Variants in CTNNA2 observed in about 807,000 individuals in gnomAD.
The protein encoded by CTNNA2 is catenin alpha 2.
Under a neutral mutation model 101.0 loss-of-function variants are expected in CTNNA2, and 42 were observed. The observed-to-expected ratio is 0.42, with a 90% confidence interval of 0.32 to 0.54. The LOEUF is 0.54. Among genes scored for constraint, CTNNA2 ranks in the 20% least tolerant of loss-of-function variants. The pLI is 0.14. For synonymous variants in CTNNA2, 450 were observed against 456.4 expected (o/e 0.99, Z 0.18); for missense variants, 871 against 1,223.1 (o/e 0.71, Z 4.29).
At chr2:79,747,665 G>T (rs985056012) in intron 3 of CTNNA2, among the ~76,000 whole-genome samples, 15 of 152,058 alleles carry the variant, frequency 9.9e-5, no homozygotes, top group Non-Finnish European at 2.9e-5. Context: ...TTGTGTTCTC[G>T]TGGATATAAT....
intron 2 of CTNNA2, among the ~76,000 whole-genome samples, chr2:79,278,199 A>G (rs1297533365): frequency 6.6e-6 from 1 of 152,120 alleles, no homozygotes; most frequent in East Asian, 1.9e-4. Flanking sequence ...CCAAGAAAAG[A>G]GAAAGTTTAC....
At chr2:79,229,856 G>T (rs1000602390) in intron 2 of CTNNA2, among the ~76,000 whole-genome samples, 5 of 152,202 alleles carry the variant, frequency 3.3e-5, no homozygotes, top group African/African-American at 1.2e-4. Flanking sequence ...CTGGAGCAAA[G>T]GTGACTCTTG....
intron 14 of CTNNA2, among the ~76,000 whole-genome samples, chr2:80,582,352 A>G (rs898769331): frequency 2.0e-5 from 3 of 152,166 alleles, no homozygotes; most frequent in African/African-American, 4.8e-5. Flanking sequence ...TTCTTTCCTC[A>G]TGATGCCTGT....
intron 3 of CTNNA2, among the ~76,000 whole-genome samples, chr2:79,768,473 G>T (rs1673327621): frequency 2.0e-5 from 3 of 151,580 alleles, no homozygotes; most frequent in Admixed American, 6.6e-5. Flanking sequence ...GGTATCCGTG[G>T]CAGGGGTGAT....
intron 1 of CTNNA2, among the ~76,000 whole-genome samples, chr2:79,584,838 C>T (rs1676378962): frequency 6.6e-6 from 1 of 152,170 alleles, no homozygotes; most frequent in Admixed American, 6.5e-5. Context: ...TTTTCATATG[C>T]ACTTGAAACC....
chr2:79,258,846 A>G (rs1272498786), intron 2 of CTNNA2, among the ~76,000 whole-genome samples: 1 of 21,846 alleles, frequency 4.6e-5, no homozygotes, highest in East Asian at 1.1e-3. Context: ...ATCCTCTACC[A>G]AAAAAAAAAA....
chr2:79,299,396 C>T lies in CTNNA2; in HGVS notation c.-405-13313C>T, dbSNP rs957464453. Among the ~76,000 whole-genome samples, 6 of 152,152 alleles carry T rather than the reference C, an allele frequency of 3.9e-5. No individual in the cohort carries two copies. The East Asian group carries it at 7.7e-4, about 20-fold the overall frequency. On this transcript the variant is annotated intron_variant, in intron 2 of 21. Transcript: ENST00000466387. The stretch of plus-strand genomic sequence containing the variant: ...GCTACAAGATGCAAAATAGGTGAAG[C>T]GGCTAATAAGTTAAGAAAACTCTGA...
At chr2:79,505,749 A>G (rs1444570895) in intron 5 of CTNNA2, among the ~76,000 whole-genome samples, 1 of 152,226 alleles carries the variant, frequency 6.6e-6, no homozygotes, top group African/African-American at 2.4e-5. Context: ...AGATGGGAAT[A>G]GACATTGGAT....
chr2:79,811,455 T>G (rs1303097708), intron 3 of CTNNA2, among the ~76,000 whole-genome samples: 1 of 152,186 alleles, frequency 6.6e-6, no homozygotes, highest in African/African-American at 2.4e-5. Flanking sequence ...TTGCAGAAAT[T>G]TTCTCCCATT....
At chr2:80,349,375 T>C (rs1673073792) in intron 7 of CTNNA2, among the ~76,000 whole-genome samples, 1 of 152,086 alleles carries the variant, frequency 6.6e-6, no homozygotes, top group African/African-American at 2.4e-5. Context: ...TGTTGATTCG[T>C]TTGTGTATTG....
chr2:79,875,072 G>A (rs2104067464), intron 6 of CTNNA2, among the ~76,000 whole-genome samples: 1 of 152,278 alleles, frequency 6.6e-6, no homozygotes, highest in East Asian at 1.9e-4. Flanking sequence ...CATTAGAACA[G>A]ACCCTCTGGG....
intron 6 of CTNNA2, among the ~76,000 whole-genome samples, chr2:79,880,495 A>T (rs1371716515): frequency 6.6e-6 from 1 of 151,986 alleles, no homozygotes; most frequent in Admixed American, 6.6e-5. Flanking sequence ...CAAATTCAGA[A>T]CTTGTTATTG....
chr2:80,190,512 C>T lies in CTNNA2; in HGVS notation c.1057-202699C>T, dbSNP rs78828402. ...ATGGCCCATGTTCCACAGGATGGGC[C>T]GGGGGTTCAGATGTTTATTATATAT... On this transcript the variant is annotated intron_variant, in intron 7 of 18. Coordinates refer to ENST00000402739, the MANE Select transcript of CTNNA2 (RefSeq NM_001282597.3). Among the ~76,000 whole-genome samples the T allele has an allele frequency of 6.1e-3, 929 of 152,132 alleles. 8 individuals carry two copies. Among genetic ancestry groups the T allele is most frequent in the African/African-American group, 0.021 (878 of 41,496 alleles).
intron 1 of CTNNA2, among the ~76,000 whole-genome samples, chr2:79,607,050 C>A (rs1471136987): frequency 6.6e-6 from 1 of 151,832 alleles, no homozygotes; most frequent in Non-Finnish European, 1.5e-5. Flanking sequence ...GTATAAGAAA[C>A]ACAATTTAAA....
At chr2:79,442,176 A>G (rs1171426522) in intron 4 of CTNNA2, among the ~76,000 whole-genome samples, 1 of 152,154 alleles carries the variant, frequency 6.6e-6, no homozygotes, top group Non-Finnish European at 1.5e-5. Flanking sequence ...TTATTATTTT[A>G]TCCAACAATT....
intron 4 of CTNNA2, 97 bp from the exon 5 acceptor site, chr2:79,869,719 G>C (rs911086468): frequency 2.0e-6 from 3 of 1,465,894 alleles, no homozygotes; most frequent in Non-Finnish European, 2.7e-6. Context: ...ACACATACTA[G>C]TGTTTTAGAG....
intron 4 of CTNNA2, among the ~76,000 whole-genome samples, chr2:79,462,164 A>G (rs2104536559): frequency 6.6e-6 from 1 of 152,356 alleles, no homozygotes; most frequent in South Asian, 2.1e-4. Context: ...CTACAGAGAT[A>G]TAAAAGATAA....
chr2:79,538,909 C>T (rs959071036), intron 1 of CTNNA2, among the ~76,000 whole-genome samples: 1 of 152,106 alleles, frequency 6.6e-6, no homozygotes, highest in South Asian at 2.1e-4. Context: ...AATTAGGAGG[C>T]TCTTGCAGCA....
At chr2:79,325,647 T>C (rs903331410) in intron 3 of CTNNA2, among the ~76,000 whole-genome samples, 13 of 152,186 alleles carry the variant, frequency 8.5e-5, no homozygotes, top group Admixed American at 4.6e-4. Flanking sequence ...TGTGGCCAGG[T>C]CACTGTGGGG....
Sources: gnomAD v4.1 joint callset for allele counts (sites outside exome capture counted in the v4.1 genomes callset) on GRCh38, gnomAD v4.1.1 for gene constraint, MANE v1.5 for transcripts, NCBI Gene and HGNC (gene_info 2026-07-23, HGNC 2026-07-21) for gene names.